TSPAN9: variants seen among roughly 807,000 people sequenced by gnomAD.
TSPAN9 encodes the protein tetraspanin-9.
Under a neutral mutation model 31.0 loss-of-function variants are expected in TSPAN9, and 16 were observed. That is an observed-to-expected ratio of 0.52 (90% CI 0.35 to 0.78). The LOEUF (loss-of-function observed/expected upper bound fraction) is 0.78. Ranked by LOEUF, TSPAN9 falls within the 30% of genes least tolerant of loss-of-function variation. TSPAN9 has a pLI of 0.01. For missense variants in TSPAN9, 272 were observed against 312.5 expected (o/e 0.87, Z 0.98); for synonymous variants, 145 against 121.6 (o/e 1.19, Z -1.27).
chr12:3,265,609 G>A (rs532303482), intron 3 of TSPAN9, among the ~76,000 whole-genome samples: 1 of 152,280 alleles, frequency 6.6e-6, no homozygotes, highest in South Asian at 2.1e-4. Flanking sequence ...TGGACTGAGC[G>A]TCTGTCCGCT....
In TSPAN9 at chr12:3,283,233, C is replaced by T; in HGVS notation, c.*117C>T. ...GACCCCTGCACCCACCCCCCACAGC[C>T]TGCCCTACCCCACCTACCCTGCCTC... is the stretch of plus-strand genomic sequence containing the variant. On this transcript the variant is annotated 3_prime_UTR_variant, in exon 9 of 9. Transcript: ENST00000011898. The T allele has an allele frequency of 9.6e-7, 1 of 1,046,808 alleles. No individual in the cohort carries two copies. Among genetic ancestry groups the T allele is most frequent in the Non-Finnish European group, 1.4e-6 (1 of 728,384 alleles). 64.8% of individuals were successfully genotyped at this position (1,046,808 alleles called of 1,614,324 possible).
chr12:3,150,130 G>A (rs1436258154), intron 2 of TSPAN9, among the ~76,000 whole-genome samples: 1 of 152,242 alleles, frequency 6.6e-6, no homozygotes, highest in Non-Finnish European at 1.5e-5. Flanking sequence ...AGCATGAAAG[G>A]TGAGGTGTGG....
At chr12:3,180,904 G>C (rs1040741075) in intron 2 of TSPAN9, among the ~76,000 whole-genome samples, 1 of 152,162 alleles carries the variant, frequency 6.6e-6, no homozygotes, top group Non-Finnish European at 1.5e-5. Flanking sequence ...CTATTTTTCT[G>C]TGCACCTGCT....
At chr12:3,123,476 G>T (rs760890398) in intron 2 of TSPAN9, among the ~76,000 whole-genome samples, 7 of 152,152 alleles carry the variant, frequency 4.6e-5, no homozygotes, top group African/African-American at 9.7e-5. Flanking sequence ...AGGCTCAGTG[G>T]GTTTGGCACA....
intron 3 of TSPAN9, among the ~76,000 whole-genome samples, chr12:3,233,949 C>T (rs2098392070): frequency 6.6e-6 from 1 of 152,186 alleles, no homozygotes; most frequent in Admixed American, 6.5e-5. Flanking sequence ...AGCCAGGTTC[C>T]TTCCAGCACT....
At chr12:3,102,217 G>A (rs555183651) in intron 2 of TSPAN9, among the ~76,000 whole-genome samples, 1 of 151,922 alleles carries the variant, frequency 6.6e-6, no homozygotes, top group Admixed American at 6.6e-5. Context: ...TCTGACTCCT[G>A]GGTTCAAGCG....
Position 3,283,204 on chromosome 12 carries a change from A to G in TSPAN9, c.*88A>G, listed in dbSNP as rs1022988769. On this transcript the variant is annotated 3_prime_UTR_variant, in exon 9 of 9. Transcript: ENST00000011898. The stretch of plus-strand genomic sequence containing the variant: ...TGTGTCACCTGCCTGCGCTCTCCAG[A>G]TATGACCCCTGCACCCACCCCCCAC... 3.5e-6 allele frequency: 5 copies of G among 1,422,416 alleles called. No homozygotes were observed. The highest frequency in any genetic ancestry group is 1.7e-5 in the Admixed American group (1 of 57,616). 88.1% of individuals were successfully genotyped at this position (1,422,416 alleles called of 1,614,324 possible).
chr12:3,118,084 G>A (rs190670992), intron 2 of TSPAN9, among the ~76,000 whole-genome samples: 3 of 152,040 alleles, frequency 2.0e-5, no homozygotes, highest in East Asian at 3.9e-4. Context: ...TTTCTCGCCT[G>A]TGAAGTGGGG....
intron 2 of TSPAN9, among the ~76,000 whole-genome samples, chr12:3,145,471 G>A (rs2098336711): frequency 6.6e-6 from 1 of 152,110 alleles, no homozygotes; most frequent in African/African-American, 2.4e-5. Flanking sequence ...CCTCCTTTTT[G>A]ATACCCGTGG....
At chr12:3,273,561 T>G (rs1042556044) in intron 3 of TSPAN9, among the ~76,000 whole-genome samples, 5 of 152,318 alleles carry the variant, frequency 3.3e-5, no homozygotes, top group African/African-American at 9.6e-5. Flanking sequence ...AACCCCTGGT[T>G]TTGGAAGGGA....
chr12:3,239,183 A>G (rs2098395334), intron 3 of TSPAN9, among the ~76,000 whole-genome samples: 1 of 150,064 alleles, frequency 6.7e-6, no homozygotes, highest in Admixed American at 6.6e-5. Flanking sequence ...GGTAGTGAAA[A>G]AGAGGGAGAG....
chr12:3,238,037 C>G (rs7963360), intron 3 of TSPAN9, among the ~76,000 whole-genome samples: 39,608 of 151,976 alleles, frequency 0.26, 5,170 homozygotes, highest in South Asian at 0.37. Context: ...CCTTCCTCTC[C>G]TCTTCCTTCC....
At chr12:3,263,796 G>C (rs1305611857) in intron 3 of TSPAN9, among the ~76,000 whole-genome samples, 3 of 152,198 alleles carry the variant, frequency 2.0e-5, no homozygotes, top group Non-Finnish European at 4.4e-5. Flanking sequence ...AGTGTTGGGG[G>C]GTGAGGGAGG....
Position 3,249,245 on chromosome 12 carries a change from G to A in TSPAN9, c.64-29176G>A, listed in dbSNP as rs185752222. Among the ~76,000 whole-genome samples the A allele has an allele frequency of 5.0e-4, 76 of 152,220 alleles. 1 individual carries two copies. In the East Asian group the frequency reaches 0.014, roughly 27 times the overall value. On this transcript the variant is annotated intron_variant, in intron 3 of 8. Transcript: ENST00000011898. ...TGCGAGTCTTTCTCAATGACTCCAG[G>A]CACCCCGCGGGTGGTCAGACCTCAC...
intron 2 of TSPAN9, among the ~76,000 whole-genome samples, chr12:3,105,996 GCA>G (rs1213014238): frequency 3.3e-5 from 5 of 151,582 alleles, no homozygotes; most frequent in Admixed American, 2.6e-4. Flanking sequence ...ACTCAGTCTT[GCA>G]CACACACACT....
intron 3 of TSPAN9, among the ~76,000 whole-genome samples, chr12:3,246,263 G>A (rs1862125501): frequency 6.6e-6 from 1 of 151,998 alleles, no homozygotes; most frequent in South Asian, 2.1e-4. Flanking sequence ...GCATCAAGGG[G>A]ATGGTGCTAC....
At chr12:3,137,400 C>G (rs1354352702) in intron 2 of TSPAN9, among the ~76,000 whole-genome samples, 1 of 152,198 alleles carries the variant, frequency 6.6e-6, no homozygotes, top group East Asian at 1.9e-4. Context: ...TGACTCCTCG[C>G]CCTTCCCAGA....
At chr12:3,183,376 A>G (rs938073034) in intron 2 of TSPAN9, among the ~76,000 whole-genome samples, 1 of 152,210 alleles carries the variant, frequency 6.6e-6, no homozygotes. Context: ...CTTGACAGAA[A>G]TGTGTAAGGG....
intron 2 of TSPAN9, among the ~76,000 whole-genome samples, chr12:3,094,862 T>C (rs1424483034): frequency 4.5e-5 from 5 of 110,368 alleles, no homozygotes; most frequent in African/African-American, 1.4e-4. Context: ...TTTTTTTTTT[T>C]TTTTTTTGTT....
Sources: gnomAD v4.1 joint callset for allele counts (sites outside exome capture counted in the v4.1 genomes callset) on GRCh38, gnomAD v4.1.1 for gene constraint, MANE v1.5 for transcripts, NCBI Gene and HGNC (gene_info 2026-07-23, HGNC 2026-07-21) for gene names.